RHAG: variants seen among roughly 807,000 people sequenced by gnomAD.
The protein encoded by RHAG is ammonium transporter Rh type A.
RHAG carries 25 observed loss-of-function variants against 42.4 expected under a neutral mutation model. The observed-to-expected ratio is 0.59, with a 90% CI of 0.43 to 0.82. The LOEUF (loss-of-function observed/expected upper bound fraction) is 0.82. Among genes scored for constraint, RHAG ranks in the 40% least tolerant of loss-of-function variants. The probability of loss-of-function intolerance (pLI) is 0.00; values close to 1 mark genes in which losing one functional copy is unlikely to be tolerated. For synonymous variants in RHAG, 182 were observed against 177.7 expected (o/e 1.02, Z -0.19); for missense variants, 483 against 504.6 (o/e 0.96, Z 0.41).
intron 1 of RHAG, among the ~76,000 whole-genome samples, chr6:49,626,931 G>C (rs1762853345): frequency 6.6e-6 from 1 of 152,234 alleles, no homozygotes; most frequent in Non-Finnish European, 1.5e-5. Flanking sequence ...ACCCCTTTTA[G>C]CCATGACTGG....
At chr6:49,622,634 C>A (rs562007500) in intron 1 of RHAG, among the ~76,000 whole-genome samples, 1 of 152,126 alleles carries the variant, frequency 6.6e-6, no homozygotes, top group Non-Finnish European at 1.5e-5. Context: ...GCCTCCCCAG[C>A]CATGTGGAAC....
At chr6:49,615,574 C>A in intron 4 of RHAG, 50 bp downstream of exon 4, 1 of 1,605,238 alleles carries the variant, frequency 6.2e-7, no homozygotes, top group Non-Finnish European at 8.5e-7. Context: ...TTAACCTTCT[C>A]TGGTGCCTTT....
chr6:49,618,016 T>G (rs1762682653), intron 3 of RHAG, 52 bp downstream of exon 3: 11 of 1,561,320 alleles, frequency 7.0e-6, no homozygotes, highest in Non-Finnish European at 8.8e-6. Context: ...TGTTTTTTTG[T>G]AGCCAGAACT....
Position 49,614,798 on chromosome 6 carries a change from A to G in RHAG, c.696T>C (p.Pro232=). The G allele has an allele frequency of 1.9e-6, 3 of 1,614,198 alleles. No homozygotes were observed. The highest frequency in any genetic ancestry group is 2.5e-6 in the Non-Finnish European group (3 of 1,180,036). The change falls in exon 5 of 10, where the codon CCT becomes CCC. Residue 232 remains proline, a synonymous_variant. Coordinates refer to ENST00000371175, the MANE Select transcript of RHAG (RefSeq NM_000324.3). ...CAATGGCCCTGCACTGTTTGTCTCC[A>G]GGTTCAGCAATGGCCGAGTTAAAGC... The part of the protein sequence containing the change: ...WPSFNSAIAE[P]GDKQCRAIVN...
chr6:49,619,801 A>G (rs1320607867), intron 1 of RHAG, among the ~76,000 whole-genome samples: 2 of 152,148 alleles, frequency 1.3e-5, no homozygotes, highest in Non-Finnish European at 2.9e-5. Context: ...AATAGCATTT[A>G]TTTAGCATTT....
intron 1 of RHAG, among the ~76,000 whole-genome samples, chr6:49,634,767 A>G (rs932162159): frequency 6.6e-6 from 1 of 152,084 alleles, no homozygotes; most frequent in Non-Finnish European, 1.5e-5. Context: ...AGTAGTGTAG[A>G]AGAGCGATGT....
In RHAG at chr6:49,611,119, G is replaced by T. The variant is rs1265797315; in HGVS notation, c.972C>A (p.Ile324=). ...GGTTATGGACCCCACATGTATCATG[G>T]ATCCTCAGTTTAGTAGTAAAAAGTG... ...LTPLFTTKLR[I]HDTCGVHNLH... Residue 324 remains isoleucine (I), a synonymous_variant, in exon 7 of 10, where the codon ATC becomes ATA. Transcript: ENST00000371175. 11 of 1,613,414 alleles carry T rather than the reference G, an allele frequency of 6.8e-6. No homozygotes were observed. Among genetic ancestry groups the T allele is most frequent in the Non-Finnish European group, 9.3e-6 (11 of 1,179,664 alleles).
At chr6:49,617,994 G>A (rs576694463) in intron 3 of RHAG, 74 bp downstream of exon 3, 39 of 1,361,678 alleles carry the variant, frequency 2.9e-5, no homozygotes, top group East Asian at 1.2e-4. Context: ...CCCATATACC[G>A]TAGACACCCA....
In RHAG at chr6:49,607,137, T is replaced by G; in HGVS notation, c.1138+13A>C. On this transcript the variant is annotated intron_variant, in intron 8 of 9. Transcript: ENST00000371175. ...GCATAAGATACAGGGAAGTGTTCAC[T>G]TTTTATGCTGACCTGTCATCAGACC... The G allele has an allele frequency of 6.2e-7, 1 of 1,608,162 alleles. No homozygotes were observed. The highest frequency in any genetic ancestry group is 8.5e-7 in the Non-Finnish European group (1 of 1,174,804).
chr6:49,614,092 C>A (rs1020758699), intron 5 of RHAG, among the ~76,000 whole-genome samples: 4 of 152,140 alleles, frequency 2.6e-5, no homozygotes, highest in Non-Finnish European at 5.9e-5. Flanking sequence ...AAGAAATATA[C>A]CTCAAATCAA....
chr6:49,615,052 A>G (rs985382393), intron 4 of RHAG, 199 bp from the exon 5 acceptor site: 5 of 559,438 alleles, frequency 8.9e-6, no homozygotes, highest in Non-Finnish European at 1.6e-5. Flanking sequence ...GGTTCAAGCA[A>G]TTCTTCTGCT....
intron 1 of RHAG, among the ~76,000 whole-genome samples, chr6:49,632,345 T>G (rs1762946944): frequency 6.6e-6 from 1 of 152,162 alleles, no homozygotes. Flanking sequence ...GGCAGATATT[T>G]TCTGAAAAAT....
chr6:49,615,895 GA>G lies in RHAG; in HGVS notation c.493-125del. ...TAAAAAAATTAAAGAGGGACAGAAA[GA>G]TTGTGTCAGAGAAAGGGGGGTAAAA... On this transcript the variant is annotated intron_variant, in intron 3 of 9. Transcript: ENST00000371175. 6.3e-6 allele frequency: 6 copies of G among 947,088 alleles called. No individual in the cohort carries two copies. In the South Asian group the frequency reaches 8.3e-5, roughly 13 times the overall value. 58.7% of individuals were successfully genotyped at this position (947,088 alleles called of 1,614,324 possible).
At chr6:49,618,331 A>T in intron 2 of RHAG, 113 bp from the exon 3 acceptor site, 1 of 1,059,828 alleles carries the variant, frequency 9.4e-7, no homozygotes, top group African/African-American at 1.6e-5. Flanking sequence ...CTTACTCATC[A>T]TCTCCCACTT....
At chr6:49,632,899 C>T (rs770799929) in intron 1 of RHAG, among the ~76,000 whole-genome samples, 1 of 152,146 alleles carries the variant, frequency 6.6e-6, no homozygotes. Flanking sequence ...TTTGACTCAA[C>T]AGGGTGACCA....
chr6:49,621,890 T>C (rs541958969), intron 1 of RHAG, among the ~76,000 whole-genome samples: 4 of 152,354 alleles, frequency 2.6e-5, no homozygotes, highest in African/African-American at 9.6e-5. Flanking sequence ...GAAGTTAGGT[T>C]ACTTGTTTAT....
chr6:49,627,335 G>A (rs1762858583), intron 1 of RHAG, among the ~76,000 whole-genome samples: 1 of 152,050 alleles, frequency 6.6e-6, no homozygotes, highest in Non-Finnish European at 1.5e-5. Context: ...AGATCTTCAG[G>A]GGAGGGGCAA....
intron 1 of RHAG, among the ~76,000 whole-genome samples, chr6:49,622,689 G>T (rs1762781612): frequency 6.6e-6 from 1 of 151,992 alleles, no homozygotes; most frequent in African/African-American, 2.4e-5. Context: ...GCCAGTCTCG[G>T]GTATGTTTTT....
chr6:49,625,998 C>G (rs775734659), intron 1 of RHAG, among the ~76,000 whole-genome samples: 2 of 152,096 alleles, frequency 1.3e-5, no homozygotes, highest in Non-Finnish European at 2.9e-5. Flanking sequence ...GAGTGGCCCC[C>G]GTGTTTCAAT....
Sources: gnomAD v4.1 joint callset for allele counts (sites outside exome capture counted in the v4.1 genomes callset) on GRCh38, gnomAD v4.1.1 for gene constraint, MANE v1.5 for transcripts, NCBI Gene and HGNC (gene_info 2026-07-23, HGNC 2026-07-21) for gene names.